CNTNAP3: variants seen among roughly 807,000 people sequenced by gnomAD.
CNTNAP3 encodes contactin-associated protein-like 3.
CNTNAP3 carries 36 observed loss-of-function variants against 92.1 expected under a neutral mutation model. The observed-to-expected ratio is 0.39, with a 90% CI of 0.30 to 0.52. CNTNAP3 has a LOEUF of 0.52. CNTNAP3 is among the 20% of genes least tolerant of loss of function. The pLI is 0.76. For synonymous variants in CNTNAP3, 232 were observed against 422.3 expected, an observed-to-expected ratio of 0.55 and a Z score of 5.53; for missense variants, 534 against 1,069.6, an observed-to-expected ratio of 0.50 and a Z score of 6.98.
chr9:39,138,259 G>A (rs1821490026), intron 12 of CNTNAP3, among the ~76,000 whole-genome samples: 1 of 152,106 alleles, frequency 6.6e-6, no homozygotes, highest in Non-Finnish European at 1.5e-5. Flanking sequence ...AGTACTATAA[G>A]TAACATGTGT....
At chr9:39,103,444 C>G (rs2019864) in intron 16 of CNTNAP3, among the ~76,000 whole-genome samples, 5 of 151,772 alleles carry the variant, frequency 3.3e-5, no homozygotes, top group Non-Finnish European at 7.4e-5. Context: ...TAGCTGGGCA[C>G]GGTGGTGCCT....
intron 11 of CNTNAP3, among the ~76,000 whole-genome samples, chr9:39,142,326 A>T (rs1821596217): frequency 6.6e-6 from 1 of 152,110 alleles, no homozygotes; most frequent in African/African-American, 2.4e-5. Flanking sequence ...CAACTCTATG[A>T]CCTTATCAAG....
At chr9:39,102,879 C>T (rs1282731396) in intron 16 of CNTNAP3, among the ~76,000 whole-genome samples, 164 bp from the exon 17 acceptor site, 1 of 152,074 alleles carries the variant, frequency 6.6e-6, no homozygotes, top group Non-Finnish European at 1.5e-5. Context: ...AAATCTGTAT[C>T]CTGGAGGAAA....
intron 10 of CNTNAP3, among the ~76,000 whole-genome samples, chr9:39,149,576 T>C (rs1030441723): frequency 4.0e-4 from 61 of 151,742 alleles, no homozygotes; most frequent in Non-Finnish European, 4.6e-4. Flanking sequence ...CAGGATGAAG[T>C]TGATCTCCTG....
chr9:39,159,411 A>ATATT (rs545909606), intron 9 of CNTNAP3: 37 of 129,342 alleles, frequency 2.9e-4, no homozygotes, highest in African/African-American at 9.3e-4. Flanking sequence ...ATATATATAT[A>ATATT]TTTTTTTTTC....
chr9:39,116,761 G>C (rs1292444868), intron 14 of CNTNAP3, among the ~76,000 whole-genome samples: 2 of 152,056 alleles, frequency 1.3e-5, no homozygotes, highest in Non-Finnish European at 2.9e-5. Context: ...TAAATGTATA[G>C]TATGTATTCT....
intron 15 of CNTNAP3, among the ~76,000 whole-genome samples, chr9:39,107,953 A>G (rs971837113): frequency 1.3e-5 from 2 of 152,290 alleles, no homozygotes; most frequent in African/African-American, 2.4e-5. Context: ...GAAGGATAAC[A>G]TATCTGTCAA....
chr9:39,130,762 C>T (rs917093196), intron 13 of CNTNAP3, among the ~76,000 whole-genome samples: 3 of 151,638 alleles, frequency 2.0e-5, no homozygotes, highest in Non-Finnish European at 2.9e-5. Context: ...CTCGGCCTCC[C>T]GAAGTGTTGG....
intron 9 of CNTNAP3, chr9:39,159,536 T>C (rs1822034915): frequency 7.5e-6 from 1 of 132,962 alleles, no homozygotes; most frequent in Non-Finnish European, 1.6e-5. Context: ...TTCACCATGT[T>C]AGCCAGGCTC....
At position 39,068,091 on chromosome 9, in the gene CNTNAP3, C is replaced by T. The variant is rs992024883; in HGVS notation, c.*5799G>A. 6.6e-6 allele frequency among the ~76,000 whole-genome samples: 1 copy of T among 152,430 alleles called. No individual in the cohort carries two copies. The highest frequency in any genetic ancestry group is 1.9e-4 in the East Asian group (1 of 5,196). On this transcript the variant is annotated 3_prime_UTR_variant, in exon 24 of 24. Transcript: ENST00000297668. ...ATACGTATAGTACTAAAGAGATATG[C>T]AGTGCATGTGCGATATTAAAATTTC... is the stretch of plus-strand genomic sequence containing the variant.
intron 13 of CNTNAP3, among the ~76,000 whole-genome samples, chr9:39,129,249 T>C (rs558908148): frequency 7.2e-5 from 11 of 152,308 alleles, no homozygotes; most frequent in South Asian, 2.1e-4. Context: ...ACAGCTACCA[T>C]GTTCAAGACA....
chr9:39,146,487 A>C (rs1460958053), intron 10 of CNTNAP3, among the ~76,000 whole-genome samples: 1 of 152,170 alleles, frequency 6.6e-6, no homozygotes, highest in Non-Finnish European at 1.5e-5. Context: ...CAGGAGATCG[A>C]GACCATCCTG....
At chr9:39,075,877 G>C (rs1825748664) in intron 23 of CNTNAP3, among the ~76,000 whole-genome samples, 1 of 152,310 alleles carries the variant, frequency 6.6e-6, no homozygotes, top group Non-Finnish European at 1.5e-5. Context: ...TTAATCAGAG[G>C]TCTGTCCCAA....
rs1412042797 is a variant in CNTNAP3, at chr9:39,068,215, C to T, written c.*5675G>A. Among the ~76,000 whole-genome samples, 2 of 149,848 alleles carry T rather than the reference C, an allele frequency of 1.3e-5. No homozygotes were observed. Among genetic ancestry groups the T allele is most frequent in the Non-Finnish European group, 2.9e-5 (2 of 67,874 alleles). Reference sequence around the variant, plus strand: ...GAGATCGAGACCATCCTGGCTAACACGGTGAAACCTTGCCTCCACTAAAAA... The same window carrying T: ...GAGATCGAGACCATCCTGGCTAACATGGTGAAACCTTGCCTCCACTAAAAA... On this transcript the variant is annotated 3_prime_UTR_variant, in exon 24 of 24. Transcript: ENST00000297668.
At chr9:39,086,552 C>T (rs1035666599) in intron 20 of CNTNAP3, 164 bp downstream of exon 20, 12 of 869,928 alleles carry the variant, frequency 1.4e-5, no homozygotes, top group Non-Finnish European at 2.0e-5. Context: ...AAACAACCAC[C>T]TCCTCTCTCC....
At chr9:39,209,690 C>CCTTCCTT (rs1822598647) in intron 3 of CNTNAP3, among the ~76,000 whole-genome samples, 2 of 8,274 alleles carry the variant, frequency 2.4e-4, no homozygotes, top group Non-Finnish European at 7.1e-4. Flanking sequence ...GCCCCTTCCT[C>CCTTCCTT]CCTTCCTTCC....
At chr9:39,100,278 T>C in intron 17 of CNTNAP3, 128 bp from the exon 18 acceptor site, 9 of 1,565,224 alleles carry the variant, frequency 5.7e-6, no homozygotes, top group Non-Finnish European at 6.9e-6. Flanking sequence ...TTTGTGAACA[T>C]ACACAATTTT....
chr9:39,122,060 A>G (rs1821037269), intron 13 of CNTNAP3, among the ~76,000 whole-genome samples: 2 of 152,228 alleles, frequency 1.3e-5, no homozygotes, highest in Admixed American at 1.3e-4. Context: ...TCCTAAGAGT[A>G]CAGGATGCTT....
In CNTNAP3 at chr9:39,140,744, C is replaced by A. The variant is rs1249757676; in HGVS notation, c.1757-106G>T. The stretch of plus-strand genomic sequence containing the variant: ...ATTACAGACATGTGATACATATGAC[C>A]CAACATCATTTTGATAGTGTATGAC... On this transcript the variant is annotated intron_variant, in intron 11 of 23. Coordinates refer to ENST00000297668, the MANE Select transcript of CNTNAP3 (RefSeq NM_033655.5). 2.8e-6 allele frequency: 4 copies of A among 1,440,694 alleles called. No homozygotes were observed. In the African/African-American group the frequency reaches 5.8e-5, roughly 21 times the overall value. 89.2% of individuals were successfully genotyped at this position (1,440,694 alleles called of 1,614,324 possible). A position where few individuals can be genotyped will look rare whatever the true frequency, so the allele number is the denominator to read the frequency against.
Sources: allele counts gnomAD v4.1 joint callset (sites outside exome capture counted in the v4.1 genomes callset), GRCh38; gene constraint gnomAD v4.1.1; transcripts MANE v1.5; gene names NCBI Gene and HGNC (gene_info 2026-07-23, HGNC 2026-07-21).